The following CSMD3 variants were observed in gnomAD, a reference collection of about 807,000 sequenced individuals.
CSMD3 encodes CUB and sushi domain-containing protein 3.
CSMD3 carries 177 observed loss-of-function variants against 435.2 expected under a neutral mutation model. The ratio of observed to expected loss-of-function variants is 0.41; its 90% CI spans 0.36 to 0.46. CSMD3 has a LOEUF of 0.46. Ranked by LOEUF, CSMD3 falls within the 20% of genes least tolerant of loss-of-function variation. CSMD3 has a pLI of 0.34. For missense variants in CSMD3, 4,265 were observed against 4,504.6 expected, an observed-to-expected ratio of 0.95 and a Z score of 1.52; for synonymous variants, 1,656 against 1,520.5, an observed-to-expected ratio of 1.09 and a Z score of -2.07.
intron 10 of CSMD3, among the ~76,000 whole-genome samples, chr8:112,911,810 T>A (rs901339928): frequency 1.4e-5 from 2 of 147,802 alleles, no homozygotes; most frequent in South Asian, 4.2e-4. Flanking sequence ...ATATTATATA[T>A]GTTATGTAAT....
At chr8:112,876,111 C>G (rs1441980027) in intron 10 of CSMD3, among the ~76,000 whole-genome samples, 1 of 151,890 alleles carries the variant, frequency 6.6e-6, no homozygotes. Flanking sequence ...GCACATACAC[C>G]CTCTTAAAAT....
At chr8:112,570,404 C>G (rs1829409586) in intron 24 of CSMD3, among the ~76,000 whole-genome samples, 2 of 152,078 alleles carry the variant, frequency 1.3e-5, no homozygotes, top group African/African-American at 2.4e-5. Flanking sequence ...TATAAACTAC[C>G]ACAAAAGAAA....
At chr8:112,521,279 A>G (rs1824254496) in intron 27 of CSMD3, among the ~76,000 whole-genome samples, 1 of 151,920 alleles carries the variant, frequency 6.6e-6, no homozygotes, top group African/African-American at 2.4e-5. Context: ...GTTTCTATAC[A>G]ATTGTCTCCA....
intron 22 of CSMD3, among the ~76,000 whole-genome samples, chr8:112,607,395 T>C (rs1832884462): frequency 6.6e-6 from 1 of 152,132 alleles, no homozygotes; most frequent in Non-Finnish European, 1.5e-5. Flanking sequence ...TGTAGAATTT[T>C]ATTTAACATT....
At chr8:113,374,818 T>TAAGAAAAAAA (rs2094368886) in intron 1 of CSMD3, among the ~76,000 whole-genome samples, 1 of 28,112 alleles carries the variant, frequency 3.6e-5, no homozygotes, top group African/African-American at 1.2e-4. Context: ...TGTTAAAAAG[T>TAAGAAAAAAA]AAAAAAAAAA....
At chr8:112,544,414 C>A (rs1826966341) in intron 27 of CSMD3, among the ~76,000 whole-genome samples, 1 of 152,080 alleles carries the variant, frequency 6.6e-6, no homozygotes, top group African/African-American at 2.4e-5. Flanking sequence ...TAAAACTGCC[C>A]TCTTCACTAG....
intron 13 of CSMD3, among the ~76,000 whole-genome samples, chr8:112,754,359 G>A (rs768677316): frequency 6.6e-6 from 1 of 152,098 alleles, no homozygotes; most frequent in Non-Finnish European, 1.5e-5. Flanking sequence ...TAAAAGATGA[G>A]GAGAGGCTGA....
chr8:112,439,190 G>C (rs889132426), intron 32 of CSMD3, among the ~76,000 whole-genome samples: 1 of 152,132 alleles, frequency 6.6e-6, no homozygotes, highest in Non-Finnish European at 1.5e-5. Flanking sequence ...GCCCAGGCTA[G>C]AGTGCAGTGG....
intron 3 of CSMD3, among the ~76,000 whole-genome samples, chr8:113,224,126 T>C (rs1255286289): frequency 6.6e-6 from 1 of 151,276 alleles, no homozygotes; most frequent in Non-Finnish European, 1.5e-5. Context: ...CCAAGAAGTC[T>C]AGGTGCTATT....
chr8:112,605,900 C>T (rs1391018970), intron 22 of CSMD3, among the ~76,000 whole-genome samples: 2 of 152,094 alleles, frequency 1.3e-5, no homozygotes, highest in African/African-American at 2.4e-5. Context: ...CTAGCATAAT[C>T]TGTCAATCCT....
intron 1 of CSMD3, among the ~76,000 whole-genome samples, chr8:113,341,537 C>A (rs1196629701): frequency 1.3e-5 from 2 of 151,936 alleles, no homozygotes; most frequent in Admixed American, 1.3e-4. Context: ...TAGTTAAGTT[C>A]TAGAATCTAA....
chr8:112,237,184 C>A lies in CSMD3; in HGVS notation c.10627+6G>T. On this transcript the variant is annotated splice_donor_region_variant and intron_variant, in intron 67 of 70. Coordinates refer to ENST00000297405, the MANE Select transcript of CSMD3 (RefSeq NM_198123.2). ...GTATATTTCGCTGCTGTTTTTATTG[C>A]GATACCTGAAAGTAGCAGCTCCATG... 2.5e-6 allele frequency: 4 copies of A among 1,613,046 alleles called. No homozygotes were observed. Among genetic ancestry groups the A allele is most frequent in the Non-Finnish European group, 3.4e-6 (4 of 1,179,228 alleles).
chr8:112,755,784 T>C (rs1424153890), intron 13 of CSMD3, among the ~76,000 whole-genome samples: 1 of 149,280 alleles, frequency 6.7e-6, no homozygotes, highest in African/African-American at 2.4e-5. Flanking sequence ...AATAAATTAA[T>C]ATATACTTTG....
intron 32 of CSMD3, among the ~76,000 whole-genome samples, chr8:112,464,418 T>C (rs2130701667): frequency 6.6e-6 from 1 of 152,152 alleles, no homozygotes; most frequent in South Asian, 2.1e-4. Context: ...GCAACCATTG[T>C]TTCTAACCTT....
At chr8:112,813,818 A>C (rs2079295265) in intron 12 of CSMD3, among the ~76,000 whole-genome samples, 1 of 152,140 alleles carries the variant, frequency 6.6e-6, no homozygotes, top group Non-Finnish European at 1.5e-5. Flanking sequence ...TTGGGCAAAA[A>C]GGAAAAACAA....
intron 32 of CSMD3, among the ~76,000 whole-genome samples, chr8:112,434,196 A>C (rs572234125): frequency 6.6e-6 from 1 of 152,196 alleles, no homozygotes; most frequent in Admixed American, 6.5e-5. Context: ...CTAACAAAGT[A>C]ACTTTGGACA....
chr8:112,460,477 G>A (rs1817335959), intron 32 of CSMD3, among the ~76,000 whole-genome samples: 2 of 150,986 alleles, frequency 1.3e-5, no homozygotes, highest in African/African-American at 4.9e-5. Flanking sequence ...GTTTTATTTA[G>A]TCCATACTGT....
chr8:112,765,611 CTATT>C (rs1475229549), intron 13 of CSMD3, among the ~76,000 whole-genome samples: 1 of 151,688 alleles, frequency 6.6e-6, no homozygotes, highest in Non-Finnish European at 1.5e-5. Flanking sequence ...TGTTTCTTGA[CTATT>C]CATTCTTCAC....
chr8:112,957,237 G>T (rs1052783491), intron 7 of CSMD3, among the ~76,000 whole-genome samples: 2 of 152,060 alleles, frequency 1.3e-5, no homozygotes, highest in Non-Finnish European at 2.9e-5. Context: ...TGCTTCTAAT[G>T]ACCATATTTA....
Sources: allele counts gnomAD v4.1 joint callset (sites outside exome capture counted in the v4.1 genomes callset), GRCh38; gene constraint gnomAD v4.1.1; transcripts MANE v1.5; gene names NCBI Gene and HGNC (gene_info 2026-07-23, HGNC 2026-07-21).